Variants in AGBL1 observed in about 807,000 individuals in gnomAD.
The protein encoded by AGBL1 is AGBL carboxypeptidase 1.
A neutral mutation model predicts 118.9 loss-of-function variants in AGBL1; 130 were observed. The ratio of observed to expected loss-of-function variants is 1.09; its 90% CI spans 0.95 to 1.26. The LOEUF (loss-of-function observed/expected upper bound fraction) is 1.26. Ranked by LOEUF, AGBL1 falls within the 50% of genes most tolerant of loss-of-function variation. The probability of loss-of-function intolerance (pLI) is 0.00; values close to 1 mark genes in which losing one functional copy is unlikely to be tolerated. For missense variants in AGBL1, 1,584 were observed against 1,298.1 expected, an observed-to-expected ratio of 1.22 and a Z score of -3.38; for synonymous variants, 555 against 478.9, an observed-to-expected ratio of 1.16 and a Z score of -2.08.
chr15:86,175,736 CT>C (rs1252185887), intron 5 of AGBL1, among the ~76,000 whole-genome samples: 1 of 152,156 alleles, frequency 6.6e-6, no homozygotes, highest in African/African-American at 2.4e-5. Flanking sequence ...AAATTTCCTT[CT>C]CAGTGTCTTC....
chr15:86,117,656 C>T (rs963947200), intron 1 of AGBL1, among the ~76,000 whole-genome samples: 1 of 152,270 alleles, frequency 6.6e-6, no homozygotes. Flanking sequence ...AAGAGGTATT[C>T]AAAACTCTTC....
chr15:86,528,536 C>G (rs1460011500), intron 19 of AGBL1, among the ~76,000 whole-genome samples: 4 of 149,008 alleles, frequency 2.7e-5, no homozygotes, highest in Non-Finnish European at 4.5e-5. Flanking sequence ...GGGGGAGGGG[C>G]GCCGGCCATT....
At chr15:86,326,025 C>T (rs1039570161) in intron 17 of AGBL1, among the ~76,000 whole-genome samples, 3 of 152,160 alleles carry the variant, frequency 2.0e-5, no homozygotes, top group African/African-American at 7.2e-5. Flanking sequence ...CTTTAATAGA[C>T]AATAAATAAC....
At chr15:86,991,596 C>A (rs1255290072) in intron 24 of AGBL1, among the ~76,000 whole-genome samples, 1 of 152,102 alleles carries the variant, frequency 6.6e-6, no homozygotes, top group African/African-American at 2.4e-5. Context: ...GGGAGAATGA[C>A]TCTTGACTGA....
At chr15:86,244,203 TAGCAGA>T (rs1298695927) in intron 6 of AGBL1, among the ~76,000 whole-genome samples, 21 of 152,140 alleles carry the variant, frequency 1.4e-4, no homozygotes, top group African/African-American at 4.6e-4. Context: ...AAACAGACTA[TAGCAGA>T]GCTGGTCTCT....
chr15:86,298,906 C>T (rs559603076), intron 17 of AGBL1, among the ~76,000 whole-genome samples: 1 of 152,282 alleles, frequency 6.6e-6, no homozygotes, highest in African/African-American at 2.4e-5. Flanking sequence ...CTGAAGATTA[C>T]TGAGGACAAC....
chr15:86,925,122 AGAAGAG>A (rs1555463546), intron 23 of AGBL1, among the ~76,000 whole-genome samples: 1 of 74,064 alleles, frequency 1.4e-5, no homozygotes, highest in Admixed American at 1.5e-4. Context: ...AAGAAGAAGA[AGAAGAG>A]GAAGAGGAAG....
chr15:86,780,807 AC>A (rs2078326028), intron 22 of AGBL1, among the ~76,000 whole-genome samples: 1 of 152,076 alleles, frequency 6.6e-6, no homozygotes, highest in South Asian at 2.1e-4. Flanking sequence ...AGCTGGGATT[AC>A]AGGCATGTGC....
At chr15:86,115,687 G>A (rs1207040243) in intron 1 of AGBL1, among the ~76,000 whole-genome samples, 1 of 152,160 alleles carries the variant, frequency 6.6e-6, no homozygotes, top group Non-Finnish European at 1.5e-5. Context: ...TGTCAGCACT[G>A]GAAAGCTCAA....
At chr15:86,744,043 G>A (rs1004021545) in intron 22 of AGBL1, among the ~76,000 whole-genome samples, 5 of 151,982 alleles carry the variant, frequency 3.3e-5, no homozygotes, top group Admixed American at 2.6e-4. Flanking sequence ...TTACTTTCAA[G>A]GGATACAGAT....
In AGBL1 at chr15:86,546,097, G is replaced by C; in HGVS notation, c.2781G>C (p.Val927=). ...CCTTGTGGCAAGCAGCATGCACTGT[G>C]GGCACATCTACTATCCTAGAGGAGG... The part of the protein sequence containing the change: ...KETLWQAACT[V]GTSTILEEVN... Residue 927 remains valine, a synonymous_variant, in exon 20 of 23, where the codon GTG becomes GTC. Coordinates refer to ENST00000614907, the MANE Select transcript of AGBL1 (RefSeq NM_001386094.1). 1.2e-6 allele frequency: 2 copies of C among 1,613,366 alleles called. No individual in the cohort carries two copies. The highest frequency in any genetic ancestry group is 1.7e-6 in the Non-Finnish European group (2 of 1,179,550).
chr15:87,023,435 A>G (rs1167917248), intron 24 of AGBL1, among the ~76,000 whole-genome samples: 1 of 152,098 alleles, frequency 6.6e-6, no homozygotes, highest in Non-Finnish European at 1.5e-5. Context: ...AAATATCTCA[A>G]TCCTGAATGT....
At chr15:87,014,080 T>C (rs1176773807) in intron 24 of AGBL1, among the ~76,000 whole-genome samples, 2 of 152,224 alleles carry the variant, frequency 1.3e-5, no homozygotes, top group Non-Finnish European at 2.9e-5. Context: ...ACACTTATTA[T>C]TTCTTGTATT....
intron 6 of AGBL1, among the ~76,000 whole-genome samples, chr15:86,228,836 AC>A (rs1333771098): frequency 3.9e-5 from 6 of 152,334 alleles, no homozygotes; most frequent in African/African-American, 1.4e-4. Flanking sequence ...GGCAAAATAA[AC>A]CTGGAAATCC....
intron 22 of AGBL1, among the ~76,000 whole-genome samples, chr15:86,861,041 G>A (rs756664491): frequency 9.2e-5 from 14 of 152,062 alleles, no homozygotes; most frequent in South Asian, 4.1e-4. Flanking sequence ...TAAGGAGGTC[G>A]CAGGGGTCTG....
At chr15:86,749,116 A>G (rs1394928411) in intron 22 of AGBL1, among the ~76,000 whole-genome samples, 1 of 152,128 alleles carries the variant, frequency 6.6e-6, no homozygotes, top group South Asian at 2.1e-4. Context: ...GGCCATTTTC[A>G]CGATATTGAT....
At chr15:86,782,451 A>C (rs1468702492) in intron 22 of AGBL1, among the ~76,000 whole-genome samples, 1 of 152,146 alleles carries the variant, frequency 6.6e-6, no homozygotes, top group Non-Finnish European at 1.5e-5. Context: ...TCATTTCTAA[A>C]ATGTGTTTGA....
At chr15:86,853,452 T>C (rs1041721928) in intron 22 of AGBL1, among the ~76,000 whole-genome samples, 7 of 152,278 alleles carry the variant, frequency 4.6e-5, no homozygotes, top group Middle Eastern at 3.4e-3. Flanking sequence ...TCTTAGGAAG[T>C]AGAGAATATT....
intron 18 of AGBL1, among the ~76,000 whole-genome samples, chr15:86,486,270 G>A (rs1353747295): frequency 6.6e-6 from 1 of 152,002 alleles, no homozygotes; most frequent in Non-Finnish European, 1.5e-5. Context: ...CTTGGCTTAC[G>A]ATCCTTTTGC....
Sources: allele counts gnomAD v4.1 joint callset (sites outside exome capture counted in the v4.1 genomes callset), GRCh38; gene constraint gnomAD v4.1.1; transcripts MANE v1.5; gene names NCBI Gene and HGNC (gene_info 2026-07-23, HGNC 2026-07-21).